The following TTC28 variants were observed in gnomAD, a reference collection of about 807,000 sequenced individuals.
TTC28 encodes the protein tetratricopeptide repeat protein 28.
In TTC28, 61 loss-of-function variants were observed where a neutral mutation model predicts 198.0. The observed-to-expected ratio is 0.31, with a 90% CI of 0.25 to 0.38. TTC28 has a LOEUF of 0.38. TTC28 is among the 10% of genes least tolerant of loss of function. The pLI, the probability that TTC28 is intolerant of heterozygous loss-of-function variation, is 1.00. For missense variants in TTC28, 2,678 were observed against 3,164.0 expected (o/e 0.85, Z 3.69); for synonymous variants, 1,171 against 1,297.8 (o/e 0.90, Z 2.10).
rs552124030 is a variant in TTC28 at position 28,365,962 on chromosome 22, G to C, written c.382-59319C>G. Among the ~76,000 whole-genome samples, 4 of 152,206 alleles carry C rather than the reference G, an allele frequency of 2.6e-5. No homozygotes were observed. The South Asian group carries it at 6.2e-4, about 24-fold the overall frequency. On this transcript the variant is annotated intron_variant, in intron 2 of 22. Transcript: ENST00000397906. ...TTGCTTAAAACCAACACAAAATATG[G>C]TACATGTCAAATATTTATTAAACAT...
chr22:28,001,736 G>T (rs1212122572), intron 14 of TTC28, 183 bp from the exon 15 acceptor site: 10 of 657,668 alleles, frequency 1.5e-5, no homozygotes, highest in Non-Finnish European at 2.6e-5. Context: ...CAACTGGCAT[G>T]CTCGCTTGTG....
chr22:28,329,403 T>A (rs917997262), intron 2 of TTC28, among the ~76,000 whole-genome samples: 1 of 152,146 alleles, frequency 6.6e-6, no homozygotes, highest in Non-Finnish European at 1.5e-5. Flanking sequence ...TGACACATGT[T>A]CAGTAATTAC....
intron 2 of TTC28, among the ~76,000 whole-genome samples, chr22:28,451,752 T>G (rs1226402956): frequency 6.6e-6 from 1 of 152,198 alleles, no homozygotes; most frequent in Non-Finnish European, 1.5e-5. Flanking sequence ...TGTTATAAAT[T>G]TTCTTATATA....
chr22:28,461,847 C>T (rs2047955358), intron 2 of TTC28, among the ~76,000 whole-genome samples: 1 of 152,104 alleles, frequency 6.6e-6, no homozygotes, highest in African/African-American at 2.4e-5. Flanking sequence ...CTGTCTTTCC[C>T]ACCAGTCATG....
chr22:28,347,060 C>T (rs1201929256), intron 2 of TTC28, among the ~76,000 whole-genome samples: 7 of 151,944 alleles, frequency 4.6e-5, no homozygotes, highest in Non-Finnish European at 1.0e-4. Context: ...GTCAGGAGTT[C>T]CAGATCAGCC....
intron 2 of TTC28, among the ~76,000 whole-genome samples, chr22:28,578,901 A>AGAGT (rs2050189873): frequency 6.6e-6 from 1 of 152,098 alleles, no homozygotes; most frequent in African/African-American, 2.4e-5. Context: ...TATTGGAACC[A>AGAGT]GAGTTCCAGC....
chr22:28,257,845 G>T (rs1931062139), intron 5 of TTC28, among the ~76,000 whole-genome samples: 1 of 137,060 alleles, frequency 7.3e-6, no homozygotes, highest in South Asian at 2.3e-4. Context: ...AGACAGAAAA[G>T]AAAGACTACA....
At chr22:28,226,399 T>C (rs1255757402) in intron 5 of TTC28, among the ~76,000 whole-genome samples, 1 of 152,126 alleles carries the variant, frequency 6.6e-6, no homozygotes, top group Admixed American at 6.5e-5. Context: ...CTATTGATGT[T>C]GAGCTTTTTC....
intron 1 of TTC28, among the ~76,000 whole-genome samples, chr22:28,657,150 T>C (rs2051672115): frequency 6.6e-6 from 1 of 152,226 alleles, no homozygotes; most frequent in African/African-American, 2.4e-5. Flanking sequence ...AAAGTTAAAC[T>C]GTTTGACTTT....
intron 5 of TTC28, among the ~76,000 whole-genome samples, chr22:28,192,779 TA>T (rs1924954127): frequency 6.6e-6 from 1 of 151,974 alleles, no homozygotes; most frequent in African/African-American, 2.4e-5. Flanking sequence ...CTCCAAGAAA[TA>T]TGGGACTATG....
At chr22:28,301,542 G>A (rs775459110) in intron 3 of TTC28, among the ~76,000 whole-genome samples, 5 of 152,126 alleles carry the variant, frequency 3.3e-5, no homozygotes, top group Non-Finnish European at 5.9e-5. Flanking sequence ...TCAACTAAGA[G>A]ATATACTGTA....
intron 10 of TTC28, among the ~76,000 whole-genome samples, chr22:28,097,470 C>T (rs1942012145): frequency 6.6e-6 from 1 of 152,202 alleles, no homozygotes; most frequent in Non-Finnish European, 1.5e-5. Context: ...AATTGCTTCT[C>T]TATCTCAAGC....
intron 12 of TTC28, among the ~76,000 whole-genome samples, chr22:28,076,406 G>C (rs555196142): frequency 6.6e-5 from 10 of 152,110 alleles, no homozygotes; most frequent in Non-Finnish European, 1.3e-4. Flanking sequence ...TATCCTAGTT[G>C]CAATCCTGGT....
chr22:28,058,960 T>C (rs1050392541), intron 12 of TTC28, among the ~76,000 whole-genome samples: 3 of 152,196 alleles, frequency 2.0e-5, no homozygotes, highest in South Asian at 2.1e-4. Flanking sequence ...CTTTCAGCTC[T>C]TATAGTCATA....
At chr22:28,477,397 T>C (rs374086593) in intron 2 of TTC28, among the ~76,000 whole-genome samples, 5 of 152,284 alleles carry the variant, frequency 3.3e-5, no homozygotes, top group African/African-American at 1.2e-4. Flanking sequence ...AATTAGCCTA[T>C]ACCCTCCAAA....
In TTC28 at chr22:27,992,985, C is replaced by G. The variant is rs952906577; in HGVS notation, c.5476+302G>C. 8 of 562,394 alleles carry G rather than the reference C, an allele frequency of 1.4e-5. No individual in the cohort carries two copies. The African/African-American group carries it at 1.5e-4, about 11-fold the overall frequency. 34.8% of individuals were successfully genotyped at this position (562,394 alleles called of 1,614,324 possible). A position where few individuals can be genotyped will look rare whatever the true frequency, so the allele number is the denominator to read the frequency against. On this transcript the variant is annotated intron_variant, in intron 18 of 22. Transcript: ENST00000397906. ...CCGCACAGCTTCATCGGGGCCACAG[C>G]TGCTGATGACAATGGCAGTAGTGGC...
At chr22:28,321,603 A>G (rs187772043) in intron 2 of TTC28, among the ~76,000 whole-genome samples, 1 of 152,328 alleles carries the variant, frequency 6.6e-6, no homozygotes, top group Non-Finnish European at 1.5e-5. Context: ...AATAGTCATC[A>G]TAAGAACTTC....
intron 2 of TTC28, among the ~76,000 whole-genome samples, chr22:28,351,051 C>G (rs2045988309): frequency 6.6e-6 from 1 of 151,974 alleles, no homozygotes; most frequent in South Asian, 2.1e-4. Context: ...GGTGTGGTGG[C>G]GGGCACCTGT....
chr22:28,093,552 T>C (rs1260072031), intron 12 of TTC28, among the ~76,000 whole-genome samples: 1 of 152,234 alleles, frequency 6.6e-6, no homozygotes. Context: ...ATAAAATGTT[T>C]CCATAAGCTT....
Sources: gnomAD v4.1 joint callset for allele counts (sites outside exome capture counted in the v4.1 genomes callset) on GRCh38, gnomAD v4.1.1 for gene constraint, MANE v1.5 for transcripts, NCBI Gene and HGNC (gene_info 2026-07-23, HGNC 2026-07-21) for gene names.